Variants in CNTNAP4 observed in about 807,000 individuals in gnomAD.
CNTNAP4 encodes contactin-associated protein-like 4.
A neutral mutation model predicts 148.4 loss-of-function variants in CNTNAP4; 98 were observed. That is an observed-to-expected ratio of 0.66 (90% confidence interval 0.56 to 0.78). CNTNAP4 has a LOEUF of 0.78. CNTNAP4 is among the 30% of genes least tolerant of loss of function. CNTNAP4 has a pLI of 0.00. For missense variants in CNTNAP4, 1,935 were observed against 1,565.6 expected, an observed-to-expected ratio of 1.24 and a Z score of -3.98; for synonymous variants, 730 against 565.1, an observed-to-expected ratio of 1.29 and a Z score of -4.14.
intron 21 of CNTNAP4, among the ~76,000 whole-genome samples, chr16:76,552,763 G>A (rs558162755): frequency 3.3e-5 from 5 of 152,252 alleles, no homozygotes; most frequent in East Asian, 1.9e-4. Context: ...TTATGTTTGG[G>A]TGGGGCCATA....
chr16:76,514,591 G>A (rs1011034160), intron 15 of CNTNAP4, among the ~76,000 whole-genome samples: 5 of 152,048 alleles, frequency 3.3e-5, no homozygotes, highest in African/African-American at 4.8e-5. Context: ...GGGTGGTTAG[G>A]GGGTGTTTAT....
At chr16:76,332,730 A>G (rs1328568548) in intron 2 of CNTNAP4, among the ~76,000 whole-genome samples, 3 of 151,404 alleles carry the variant, frequency 2.0e-5, no homozygotes, top group South Asian at 2.1e-4. Flanking sequence ...TCTTTTTATC[A>G]TATTTTTTCC....
Position 76,405,191 on chromosome 16 carries a change from T to TA in CNTNAP4, c.391-22258dup, listed in dbSNP as rs2078559792. ...AGACTTGTTTTCACTATGACACTTA[T>TA]AAACACTTAACCCTTGCTATGAAAC... On this transcript the variant is annotated intron_variant, in intron 3 of 23. Coordinates refer to ENST00000611870, the MANE Select transcript of CNTNAP4 (RefSeq NM_033401.5). 2.0e-5 allele frequency among the ~76,000 whole-genome samples: 3 copies of TA among 152,196 alleles called. No homozygotes were observed. In the South Asian group the frequency reaches 6.2e-4, roughly 31 times the overall value.
intron 1 of CNTNAP4, among the ~76,000 whole-genome samples, chr16:76,302,481 A>G (rs1960077378): frequency 6.6e-6 from 1 of 152,052 alleles, no homozygotes; most frequent in South Asian, 2.1e-4. Context: ...TTTCTATAAC[A>G]CGGTGATTTT....
At chr16:76,330,238 C>G (rs1240455549) in intron 2 of CNTNAP4, among the ~76,000 whole-genome samples, 1 of 152,138 alleles carries the variant, frequency 6.6e-6, no homozygotes, top group Non-Finnish European at 1.5e-5. Context: ...TTTATTTCTC[C>G]CTTGATCCCT....
intron 3 of CNTNAP4, among the ~76,000 whole-genome samples, chr16:76,377,665 C>T (rs543852776): frequency 6.6e-6 from 1 of 151,974 alleles, no homozygotes; most frequent in Admixed American, 6.6e-5. Context: ...TCTGGAGGGG[C>T]AAAGTTTGCT....
At chr16:76,480,755 G>T (rs1317640561) in intron 12 of CNTNAP4, among the ~76,000 whole-genome samples, 1 of 151,966 alleles carries the variant, frequency 6.6e-6, no homozygotes, top group Admixed American at 6.6e-5. Flanking sequence ...AAAAAAATAT[G>T]TTCGTTGATT....
At chr16:76,535,898 C>A in intron 18 of CNTNAP4, 114 bp downstream of exon 18, 2 of 1,171,638 alleles carry the variant, frequency 1.7e-6, no homozygotes, top group Non-Finnish European at 2.4e-6. Flanking sequence ...TTCTGAATTG[C>A]TTTGGCAAAG....
intron 4 of CNTNAP4, among the ~76,000 whole-genome samples, chr16:76,433,015 C>G (rs74424425): frequency 1.3e-5 from 2 of 152,116 alleles, no homozygotes; most frequent in East Asian, 1.9e-4. Context: ...GCATAGAAAT[C>G]TCTGCTTCTG....
intron 15 of CNTNAP4, among the ~76,000 whole-genome samples, chr16:76,519,254 G>A (rs1001442201): frequency 2.6e-5 from 4 of 152,104 alleles, no homozygotes; most frequent in Non-Finnish European, 4.4e-5. Flanking sequence ...TTATGTATAT[G>A]AGAGTGCTGA....
rs553551728 is a variant in CNTNAP4, at chr16:76,495,080, G to A, written c.2237+14G>A. 443 of 1,610,756 alleles carry A rather than the reference G, an allele frequency of 2.8e-4. 1 individual carries two copies. The highest frequency in any genetic ancestry group is 2.1e-3 in the East Asian group (96 of 44,784). ...CCGGAATGAATGGTGATTTCCATAT[G>A]ATTTCTTTATGCAAGAAAAAGTTCA... On this transcript the variant is annotated intron_variant, in intron 14 of 23. Coordinates refer to ENST00000611870, the MANE Select transcript of CNTNAP4 (RefSeq NM_033401.5).
At chr16:76,287,980 C>T (rs1160505070) in intron 1 of CNTNAP4, among the ~76,000 whole-genome samples, 1 of 152,048 alleles carries the variant, frequency 6.6e-6, no homozygotes, top group African/African-American at 2.4e-5. Context: ...GATCTTTCCA[C>T]TTTTGTCTGT....
At chr16:76,419,748 T>A (rs1313431625) in intron 3 of CNTNAP4, among the ~76,000 whole-genome samples, 2 of 152,014 alleles carry the variant, frequency 1.3e-5, no homozygotes, top group African/African-American at 4.8e-5. Flanking sequence ...TTACTTATAG[T>A]TCTTGAGGTT....
chr16:76,420,698 A>G (rs2079159487), intron 3 of CNTNAP4, among the ~76,000 whole-genome samples: 1 of 151,780 alleles, frequency 6.6e-6, no homozygotes. Context: ...AACAACAACA[A>G]CGAAACTACC....
At chr16:76,425,170 C>G (rs1411779783) in intron 3 of CNTNAP4, among the ~76,000 whole-genome samples, 4 of 152,198 alleles carry the variant, frequency 2.6e-5, no homozygotes, top group East Asian at 1.9e-4. Flanking sequence ...AAACACTAGT[C>G]TGGAAATTTG....
intron 3 of CNTNAP4, among the ~76,000 whole-genome samples, chr16:76,403,910 A>T (rs2078507666): frequency 6.6e-6 from 1 of 152,204 alleles, no homozygotes; most frequent in Admixed American, 6.5e-5. Flanking sequence ...ACATGGATGG[A>T]GCTGGAGGCC....
chr16:76,557,116 G>A (rs368845837), intron 23 of CNTNAP4, among the ~76,000 whole-genome samples: 1 of 152,150 alleles, frequency 6.6e-6, no homozygotes, highest in African/African-American at 2.4e-5. Context: ...TACCTTCACT[G>A]ATCTTATCAG....
At chr16:76,349,325 C>A (rs766218762) in intron 2 of CNTNAP4, among the ~76,000 whole-genome samples, 23 of 152,270 alleles carry the variant, frequency 1.5e-4, no homozygotes, top group Non-Finnish European at 1.2e-4. Flanking sequence ...AGGTCACCTG[C>A]CCATCCCTGA....
At chr16:76,404,535 A>G (rs1344751670) in intron 3 of CNTNAP4, among the ~76,000 whole-genome samples, 1 of 152,102 alleles carries the variant, frequency 6.6e-6, no homozygotes, top group Non-Finnish European at 1.5e-5. Flanking sequence ...TAAGTTAAAC[A>G]ACTTAAAGTA....
Sources: gnomAD v4.1 joint callset for allele counts (sites outside exome capture counted in the v4.1 genomes callset) on GRCh38, gnomAD v4.1.1 for gene constraint, MANE v1.5 for transcripts, NCBI Gene and HGNC (gene_info 2026-07-23, HGNC 2026-07-21) for gene names.